TANGO2: variants seen among roughly 807,000 people sequenced by gnomAD.
The protein encoded by TANGO2 is transport and golgi organization 2 homolog.
TANGO2 carries 26 observed loss-of-function variants against 39.1 expected under a neutral mutation model. The observed-to-expected ratio is 0.67, with a 90% CI of 0.49 to 0.92. The LOEUF is 0.92. Among genes scored for constraint, TANGO2 ranks in the 40% least tolerant of loss-of-function variants. The pLI, the probability that TANGO2 is intolerant of heterozygous loss-of-function variation, is 0.00. For missense variants in TANGO2, 326 were observed against 360.1 expected, an observed-to-expected ratio of 0.91 and a Z score of 0.77; for synonymous variants, 131 against 144.5, an observed-to-expected ratio of 0.91 and a Z score of 0.67.
chr22:20,061,337 TCTC>T (rs2048343320), intron 6 of TANGO2, 190 bp from the exon 7 acceptor site: 1 of 589,454 alleles, frequency 1.7e-6, no homozygotes, highest in South Asian at 2.8e-5. Context: ...ACTGCTGAGT[TCTC>T]CTCTCCTTGC....
intron 2 of TANGO2, among the ~76,000 whole-genome samples, chr22:20,042,455 T>TA (rs1369938357): frequency 1.3e-5 from 2 of 152,208 alleles, no homozygotes; most frequent in Admixed American, 6.5e-5. Context: ...ATGTCTCTCC[T>TA]AATTCCAAAA....
At chr22:20,042,492 G>A (rs1181523301) in intron 2 of TANGO2, among the ~76,000 whole-genome samples, 1 of 152,210 alleles carries the variant, frequency 6.6e-6, no homozygotes, top group African/African-American at 2.4e-5. Flanking sequence ...TAGGCTGGAT[G>A]TGGTGGCTCA....
intron 4 of TANGO2, among the ~76,000 whole-genome samples, chr22:20,053,022 A>C (rs907100126): frequency 6.6e-5 from 10 of 152,032 alleles, no homozygotes; most frequent in Non-Finnish European, 1.5e-4. Flanking sequence ...CCCACGCAGC[A>C]CTGTTTACTC....
chr22:20,055,770 T>G (rs913452546), intron 5 of TANGO2, 173 bp from the exon 6 acceptor site: 17 of 638,600 alleles, frequency 2.7e-5, no homozygotes, highest in Middle Eastern at 8.1e-4. Context: ...GGGGCCTCCA[T>G]GACCCCGCCT....
rs139149453 is a variant in TANGO2 at position 20,050,897 on chromosome 22, G to A, written c.146-1568G>A. On this transcript the variant is annotated intron_variant, in intron 3 of 8. Coordinates refer to ENST00000327374, the MANE Select transcript of TANGO2 (RefSeq NM_152906.7). ...GCTGAGAGTGCAATGGTGTGATCTC[G>A]GCTCACTGCAACCTCCACCTCCCGG... 4.9e-3 allele frequency among the ~76,000 whole-genome samples: 641 copies of A among 130,778 alleles called. 9 individuals carry two copies. Among genetic ancestry groups the A allele is most frequent in the African/African-American group, 0.018 (614 of 34,658 alleles). 85.8% of individuals were successfully genotyped at this position (130,778 alleles called of 152,430 possible).
chr22:20,052,614 G>A (rs1184819539), intron 4 of TANGO2, 30 bp downstream of exon 4: 2 of 1,410,554 alleles, frequency 1.4e-6, no homozygotes, highest in Non-Finnish European at 1.9e-6. Flanking sequence ...GCCAAGGTGA[G>A]ACAGGGTGGG....
intron 7 of TANGO2, among the ~76,000 whole-genome samples, chr22:20,062,439 C>T (rs2048553971): frequency 6.6e-6 from 1 of 152,228 alleles, no homozygotes; most frequent in Non-Finnish European, 1.5e-5. Flanking sequence ...CACTCCTCCC[C>T]CTGGGGCCCC....
chr22:20,053,994 C>G (rs1253867982), intron 5 of TANGO2: 3 of 330,878 alleles, frequency 9.1e-6, no homozygotes, highest in Non-Finnish European at 1.8e-5. Flanking sequence ...GAGCATTCCT[C>G]CCTCCTGCCC....
chr22:20,031,331 C>T (rs977833465), intron 1 of TANGO2, among the ~76,000 whole-genome samples: 1 of 152,316 alleles, frequency 6.6e-6, no homozygotes. Context: ...TGCACCTGGG[C>T]GACAGAGTGG....
chr22:20,017,458 G>A (rs548892447), upstream of TANGO2, among the ~76,000 whole-genome samples: 7 of 152,106 alleles, frequency 4.6e-5, no homozygotes, highest in South Asian at 1.4e-3. Flanking sequence ...CCGAGGGCAG[G>A]AAGGGACCCC....
intron 2 of TANGO2, 146 bp from the exon 3 acceptor site, chr22:20,043,209 G>C (rs956082740): frequency 4.8e-6 from 3 of 630,570 alleles, no homozygotes; most frequent in African/African-American, 3.6e-5. Flanking sequence ...CCTTCCTCCA[G>C]TGTGGGTGCA....
chr22:20,049,431 T>C (rs983729214), intron 3 of TANGO2, among the ~76,000 whole-genome samples: 1 of 151,828 alleles, frequency 6.6e-6, no homozygotes, highest in African/African-American at 2.4e-5. Flanking sequence ...GAGACCGAGG[T>C]GGGCAGATCA....
intron 6 of TANGO2, chr22:20,056,501 G>A (rs765195585): frequency 2.0e-5 from 9 of 457,226 alleles, no homozygotes; most frequent in East Asian, 6.9e-5. Flanking sequence ...GCCCCTCTGC[G>A]CCAGGTCACA....
chr22:20,059,620 T>C (rs1668453611), intron 6 of TANGO2, among the ~76,000 whole-genome samples: 1 of 152,206 alleles, frequency 6.6e-6, no homozygotes, highest in Admixed American at 6.5e-5. Flanking sequence ...GGTTTGCGTT[T>C]CTCTGATGGC....
chr22:20,027,974 T>G (rs2041110509), intron 1 of TANGO2, among the ~76,000 whole-genome samples: 2 of 152,064 alleles, frequency 1.3e-5, no homozygotes, highest in South Asian at 2.1e-4. Context: ...AATTTTTGTA[T>G]TTTTAGTAGA....
chr22:20,048,094 T>G (rs1336749291), intron 3 of TANGO2: 3 of 152,100 alleles, frequency 2.0e-5, no homozygotes, highest in Non-Finnish European at 4.4e-5. Context: ...CCAGCTAATT[T>G]TTGTATTTTT....
chr22:20,032,151 C>T (rs899539994), intron 1 of TANGO2, among the ~76,000 whole-genome samples: 4 of 152,360 alleles, frequency 2.6e-5, no homozygotes, highest in Admixed American at 6.5e-5. Context: ...GGGTTGGACC[C>T]GCCCTGGCAG....
At chr22:20,025,056 C>CT (rs796476788) in intron 1 of TANGO2, among the ~76,000 whole-genome samples, 60 of 149,488 alleles carry the variant, frequency 4.0e-4, no homozygotes, top group African/African-American at 1.2e-3. Context: ...TGTACATTTT[C>CT]TTTTTTTTTG....
chr22:20,022,449 C>T (rs1052870469), intron 1 of TANGO2, among the ~76,000 whole-genome samples: 1 of 152,208 alleles, frequency 6.6e-6, no homozygotes, highest in Non-Finnish European at 1.5e-5. Context: ...CCTTTGACCC[C>T]TACACAGCTT....
Sources: allele counts gnomAD v4.1 joint callset (sites outside exome capture counted in the v4.1 genomes callset), GRCh38; gene constraint gnomAD v4.1.1; transcripts MANE v1.5; gene names NCBI Gene and HGNC (gene_info 2026-07-23, HGNC 2026-07-21).